PACS1: variants seen among roughly 807,000 people sequenced by gnomAD.
PACS1 encodes phosphofurin acidic cluster sorting protein 1, also known as PACS-1.
In PACS1, 24 loss-of-function variants were observed where a neutral mutation model predicts 115.0. The observed-to-expected ratio is 0.21, with a 90% CI of 0.15 to 0.29. The LOEUF is 0.29. Ranked by LOEUF, PACS1 falls within the 10% of genes least tolerant of loss-of-function variation. The pLI is 1.00. For missense variants in PACS1, 838 were observed against 1,251.2 expected (o/e 0.67, Z 4.98); for synonymous variants, 453 against 504.5 (o/e 0.90, Z 1.37).
intron 10 of PACS1, among the ~76,000 whole-genome samples, chr11:66,226,798 A>G (rs1855477453): frequency 1.3e-5 from 2 of 152,236 alleles, no homozygotes; most frequent in Non-Finnish European, 2.9e-5. Flanking sequence ...CCTTCCCTGC[A>G]TCTAAGACCT....
At chr11:66,178,460 AC>A (rs1859925633) in intron 1 of PACS1, among the ~76,000 whole-genome samples, 1 of 152,168 alleles carries the variant, frequency 6.6e-6, no homozygotes, top group Admixed American at 6.5e-5. Context: ...ATAGACATTC[AC>A]AGTATTAAGC....
chr11:66,154,910 C>T (rs767501064), intron 1 of PACS1, among the ~76,000 whole-genome samples: 11 of 152,106 alleles, frequency 7.2e-5, no homozygotes, highest in Admixed American at 6.6e-5. Context: ...TCTACAGCAC[C>T]GCAAGGCTGT....
chr11:66,119,632 C>T (rs1043080966), intron 1 of PACS1, among the ~76,000 whole-genome samples: 7 of 152,224 alleles, frequency 4.6e-5, no homozygotes, highest in African/African-American at 7.2e-5. Context: ...ATAATTCAGG[C>T]GGATCTCAGT....
At chr11:66,072,145 C>T (rs906911467) in intron 1 of PACS1, among the ~76,000 whole-genome samples, 5 of 152,144 alleles carry the variant, frequency 3.3e-5, no homozygotes, top group African/African-American at 9.6e-5. Context: ...ATGGTGTCAT[C>T]CTGTATGTGT....
chr11:66,103,597 A>G (rs747964758), intron 1 of PACS1, among the ~76,000 whole-genome samples: 2 of 137,682 alleles, frequency 1.5e-5, no homozygotes, highest in Non-Finnish European at 3.0e-5. Context: ...TGCAGCCTCC[A>G]CCTCCTGAGT....
chr11:66,217,021 C>T (rs1301744912), intron 7 of PACS1: 1 of 506,758 alleles, frequency 2.0e-6, no homozygotes, highest in South Asian at 2.3e-5. Context: ...GGAGGAGAAC[C>T]CTTCTTGTAG....
intron 1 of PACS1, among the ~76,000 whole-genome samples, chr11:66,132,770 G>A (rs1393750848): frequency 6.6e-6 from 1 of 152,170 alleles, no homozygotes; most frequent in African/African-American, 2.4e-5. Context: ...CCAGGTTCAA[G>A]CAATTCTCAT....
chr11:66,185,766 T>C (rs1357338729), intron 1 of PACS1, among the ~76,000 whole-genome samples: 3 of 152,108 alleles, frequency 2.0e-5, no homozygotes, highest in Non-Finnish European at 2.9e-5. Context: ...AGACCCAGGG[T>C]TTCCTGATAG....
At chr11:66,212,090 A>G (rs1362788449) in intron 4 of PACS1, among the ~76,000 whole-genome samples, 1 of 151,748 alleles carries the variant, frequency 6.6e-6, no homozygotes, top group East Asian at 1.9e-4. Flanking sequence ...CCTGATGGCA[A>G]TTGGTTCCTT....
intron 1 of PACS1, among the ~76,000 whole-genome samples, chr11:66,150,053 C>T (rs1171170543): frequency 6.6e-6 from 1 of 152,066 alleles, no homozygotes; most frequent in East Asian, 1.9e-4. Context: ...TCGGCCAAAA[C>T]TGATCTTATT....
At chr11:66,117,376 G>A (rs938106743) in intron 1 of PACS1, among the ~76,000 whole-genome samples, 3 of 150,666 alleles carry the variant, frequency 2.0e-5, no homozygotes, top group African/African-American at 7.3e-5. Context: ...CAAGAGAATC[G>A]CTTGAACCCA....
intron 1 of PACS1, among the ~76,000 whole-genome samples, chr11:66,085,403 G>C (rs1023636847): frequency 2.0e-5 from 3 of 152,094 alleles, no homozygotes; most frequent in African/African-American, 7.2e-5. Flanking sequence ...TTTTATAAAG[G>C]CAAAGGACTC....
At chr11:66,092,101 A>T (rs1857677842) in intron 1 of PACS1, among the ~76,000 whole-genome samples, 1 of 152,120 alleles carries the variant, frequency 6.6e-6, no homozygotes, top group South Asian at 2.1e-4. Context: ...CGCCACATTG[A>T]CTTCCACAGT....
At chr11:66,162,160 C>T (rs1424398029) in intron 1 of PACS1, among the ~76,000 whole-genome samples, 2 of 119,130 alleles carry the variant, frequency 1.7e-5, no homozygotes, top group South Asian at 2.9e-4. Flanking sequence ...GTGTCTCTGT[C>T]GCCCAAGCTG....
chr11:66,091,360 T>G (rs1384856992), intron 1 of PACS1, among the ~76,000 whole-genome samples: 1 of 152,072 alleles, frequency 6.6e-6, no homozygotes, highest in East Asian at 1.9e-4. Context: ...AGTCTGGTCT[T>G]GAACTTCTGA....
chr11:66,237,717 CAGAG>C (rs1348771696), intron 19 of PACS1, among the ~76,000 whole-genome samples: 1 of 152,136 alleles, frequency 6.6e-6, no homozygotes, highest in Non-Finnish European at 1.5e-5. Context: ...CCGAGAGAGA[CAGAG>C]AGATAACAAA....
chr11:66,229,489 G>T (rs1466945259), intron 11 of PACS1, among the ~76,000 whole-genome samples: 1 of 151,936 alleles, frequency 6.6e-6, no homozygotes, highest in African/African-American at 2.4e-5. Flanking sequence ...CACGAGGTCA[G>T]GAGATCGAGA....
At chr11:66,131,079 A>G (rs147971730) in intron 1 of PACS1, among the ~76,000 whole-genome samples, 40 of 152,320 alleles carry the variant, frequency 2.6e-4, no homozygotes, top group African/African-American at 9.1e-4. Context: ...CTCAAAAAAA[A>G]AGATAAAACT....
intron 1 of PACS1, among the ~76,000 whole-genome samples, chr11:66,099,553 G>C (rs991840665): frequency 6.7e-6 from 1 of 150,094 alleles, no homozygotes; most frequent in Non-Finnish European, 1.5e-5. Context: ...TTCTTTTTTG[G>C]GGGGGTTTTG....
Sources: gnomAD v4.1 joint callset for allele counts (sites outside exome capture counted in the v4.1 genomes callset) on GRCh38, gnomAD v4.1.1 for gene constraint, MANE v1.5 for transcripts, NCBI Gene and HGNC (gene_info 2026-07-23, HGNC 2026-07-21) for gene names.